The following TMCC1 variants were observed in gnomAD, a reference collection of about 807,000 sequenced individuals.
TMCC1 encodes the protein transmembrane and coiled-coil domains protein 1.
TMCC1 carries 15 observed loss-of-function variants against 52.4 expected under a neutral mutation model. The ratio of observed to expected loss-of-function variants is 0.29; its 90% CI spans 0.19 to 0.44. The LOEUF (loss-of-function observed/expected upper bound fraction) is 0.44, where lower values mean the gene tolerates loss of function less well. Ranked by LOEUF, TMCC1 falls within the 20% of genes least tolerant of loss-of-function variation. The probability of loss-of-function intolerance (pLI) is 1.00; values close to 1 mark genes in which losing one functional copy is unlikely to be tolerated. For synonymous variants in TMCC1, 279 were observed against 301.9 expected, an observed-to-expected ratio of 0.92 and a Z score of 0.79; for missense variants, 503 against 806.0, an observed-to-expected ratio of 0.62 and a Z score of 4.55.
rs781411533 is a variant in TMCC1 at position 129,809,070 on chromosome 3, AC to A, written c.576+18732del. On this transcript the variant is annotated intron_variant, in intron 4 of 6. Transcript: ENST00000393238. Reference sequence around the variant, plus strand: ...TAACCATCCTGGCTAACACAGTGAAACCGCATCTCTACTAAAAATACAAAAA... The same window carrying A: ...TAACCATCCTGGCTAACACAGTGAAACGCATCTCTACTAAAAATACAAAAA... Among the ~76,000 whole-genome samples the A allele has an allele frequency of 2.6e-5, 4 of 151,798 alleles. No individual in the cohort carries two copies. In the South Asian group the frequency reaches 6.2e-4, roughly 24 times the overall value.
chr3:129,740,186 A>G (rs1471200146), intron 4 of TMCC1, among the ~76,000 whole-genome samples: 1 of 152,142 alleles, frequency 6.6e-6, no homozygotes, highest in African/African-American at 2.4e-5. Context: ...TATACTAGTT[A>G]CCTTTCCTGT....
At chr3:129,726,859 ACT>A (rs1446412210) in intron 4 of TMCC1, among the ~76,000 whole-genome samples, 2 of 138,026 alleles carry the variant, frequency 1.4e-5, no homozygotes, top group Non-Finnish European at 3.0e-5. Flanking sequence ...ACAGAGCAAG[ACT>A]CTGTCTCAAA....
chr3:129,720,974 C>CAAGCCACTGTGCCTGGCT (rs890302599), intron 4 of TMCC1, among the ~76,000 whole-genome samples: 2 of 152,126 alleles, frequency 1.3e-5, no homozygotes, highest in African/African-American at 4.8e-5. Flanking sequence ...ATTACAGGTG[C>CAAGCCACTGTGCCTGGCT]AAGCCACTGT....
intron 2 of TMCC1, among the ~76,000 whole-genome samples, chr3:129,865,494 G>GA (rs1485926535): frequency 2.6e-5 from 4 of 151,988 alleles, no homozygotes; most frequent in Non-Finnish European, 5.9e-5. Context: ...TTTATAACCA[G>GA]AAAAAATATG....
intron 6 of TMCC1, 41 bp downstream of exon 6, chr3:129,654,923 TAACC>T: frequency 1.3e-6 from 2 of 1,593,162 alleles, no homozygotes; most frequent in Admixed American, 3.6e-5. Context: ...TTTTTCTTTC[TAACC>T]CTACTGTATT....
At chr3:129,779,485 A>C (rs1306072155) in intron 4 of TMCC1, among the ~76,000 whole-genome samples, 1 of 152,228 alleles carries the variant, frequency 6.6e-6, no homozygotes, top group Admixed American at 6.5e-5. Context: ...GATGCAAATA[A>C]GTATGCGTGA....
At chr3:129,805,923 C>CCCT (rs1163281034) in intron 4 of TMCC1, among the ~76,000 whole-genome samples, 2 of 151,986 alleles carry the variant, frequency 1.3e-5, no homozygotes, top group African/African-American at 4.8e-5. Flanking sequence ...CAGAGTAAGA[C>CCCT]CCTGTCTCTT....
chr3:129,700,173 C>T (rs1405913048), intron 4 of TMCC1, among the ~76,000 whole-genome samples: 4 of 151,768 alleles, frequency 2.6e-5, no homozygotes, highest in Admixed American at 6.6e-5. Flanking sequence ...CTCAGGAGTT[C>T]CAGACTAGCT....
intron 1 of TMCC1, among the ~76,000 whole-genome samples, chr3:129,885,632 T>A (rs2061658609): frequency 6.6e-6 from 1 of 152,172 alleles, no homozygotes; most frequent in African/African-American, 2.4e-5. Context: ...TCTATTATAG[T>A]TCAAACCTGA....
intron 2 of TMCC1, among the ~76,000 whole-genome samples, chr3:129,871,993 T>TC (rs1239033715): frequency 6.6e-6 from 1 of 152,238 alleles, no homozygotes; most frequent in Non-Finnish European, 1.5e-5. Flanking sequence ...ACAAGCACTC[T>TC]CATAGACTGC....
chr3:129,680,283 T>C lies in TMCC1; in HGVS notation c.577-9019A>G, dbSNP rs575171946. ...GGTTTATGTGTAAATACGAAGATGATAGTAGCAAAGGTAATAGTAGTAACT... is the reference window on the plus strand; with the variant it reads ...GGTTTATGTGTAAATACGAAGATGACAGTAGCAAAGGTAATAGTAGTAACT... On this transcript the variant is annotated intron_variant, in intron 4 of 6. Transcript: ENST00000393238. 4.4e-4 allele frequency among the ~76,000 whole-genome samples: 67 copies of C among 152,328 alleles called. 1 individual carries two copies. The highest frequency in any genetic ancestry group is 1.5e-3 in the African/African-American group (64 of 41,560).
chr3:129,682,780 T>C (rs1560181284), intron 4 of TMCC1, among the ~76,000 whole-genome samples: 1 of 152,212 alleles, frequency 6.6e-6, no homozygotes, highest in Non-Finnish European at 1.5e-5. Context: ...TCATCCTTTT[T>C]CCAGTAATCA....
At chr3:129,800,925 ATTTTT>A (rs11394617) in intron 4 of TMCC1, among the ~76,000 whole-genome samples, 4 of 117,960 alleles carry the variant, frequency 3.4e-5, no homozygotes, top group Non-Finnish European at 6.8e-5. Context: ...ATCTCACACT[ATTTTT>A]TTTTTTTTTT....
chr3:129,849,789 A>G (rs2059830973), intron 2 of TMCC1, among the ~76,000 whole-genome samples: 1 of 150,456 alleles, frequency 6.6e-6, no homozygotes, highest in African/African-American at 2.4e-5. Context: ...AAATAAAAAA[A>G]GTATCTCTAC....
At chr3:129,884,258 C>A (rs374842139) in intron 1 of TMCC1, among the ~76,000 whole-genome samples, 1 of 152,046 alleles carries the variant, frequency 6.6e-6, no homozygotes, top group Non-Finnish European at 1.5e-5. Flanking sequence ...AAAATATACA[C>A]GCATACTGGA....
chr3:129,858,312 T>C (rs577917265), intron 2 of TMCC1, among the ~76,000 whole-genome samples: 6 of 152,204 alleles, frequency 3.9e-5, no homozygotes, highest in African/African-American at 4.8e-5. Context: ...ACGAAAAAAT[T>C]AGAATCAGTC....
At chr3:129,819,545 A>G (rs543118007) in intron 4 of TMCC1, among the ~76,000 whole-genome samples, 2 of 152,222 alleles carry the variant, frequency 1.3e-5, no homozygotes, top group Non-Finnish European at 2.9e-5. Context: ...TAAAGATGAA[A>G]GGTAAGTCAG....
chr3:129,800,574 G>C (rs1158114271), intron 4 of TMCC1, among the ~76,000 whole-genome samples: 1 of 151,870 alleles, frequency 6.6e-6, no homozygotes, highest in Admixed American at 6.6e-5. Flanking sequence ...AAGTTACTTA[G>C]AACTTTAATT....
chr3:129,760,999 T>C (rs2053529370), intron 4 of TMCC1, among the ~76,000 whole-genome samples: 1 of 152,032 alleles, frequency 6.6e-6, no homozygotes. Flanking sequence ...CACGCATCCA[T>C]GTATCAGACA....
Sources: allele counts gnomAD v4.1 joint callset (sites outside exome capture counted in the v4.1 genomes callset), GRCh38; gene constraint gnomAD v4.1.1; transcripts MANE v1.5; gene names NCBI Gene and HGNC (gene_info 2026-07-23, HGNC 2026-07-21).